TMEM178B: variants seen among roughly 807,000 people sequenced by gnomAD.
The protein encoded by TMEM178B is transmembrane protein 178B.
A neutral mutation model predicts 31.0 loss-of-function variants in TMEM178B; 5 were observed. The observed-to-expected ratio is 0.16, with a 90% CI of 0.08 to 0.34. The LOEUF is 0.34. Ranked by LOEUF, TMEM178B falls within the 10% of genes least tolerant of loss-of-function variation. The probability of loss-of-function intolerance (pLI) is 1.00; values close to 1 mark genes in which losing one functional copy is unlikely to be tolerated. For synonymous variants in TMEM178B, 164 were observed against 164.0 expected (o/e 1.00, Z 0.00); for missense variants, 275 against 400.3 (o/e 0.69, Z 2.67).
At chr7:141,215,861 T>C (rs13307661) in intron 2 of TMEM178B, among the ~76,000 whole-genome samples, 3 of 128,068 alleles carry the variant, frequency 2.3e-5, no homozygotes, top group Admixed American at 1.6e-4. Flanking sequence ...TTCTTTCTCT[T>C]TCTTTCTTTT....
At chr7:141,173,171 TG>T (rs2129182979) in intron 1 of TMEM178B, 1 of 152,342 alleles carries the variant, frequency 6.6e-6, no homozygotes, top group South Asian at 2.1e-4. Context: ...GCAACTGGAA[TG>T]AACATTATAG....
downstream of TMEM178B, among the ~76,000 whole-genome samples, chr7:141,482,935 G>A (rs796224310): frequency 1.3e-5 from 2 of 151,128 alleles, no homozygotes; most frequent in African/African-American, 4.9e-5. Context: ...TGGGGGGGTG[G>A]TGTTAGTCAC....
chr7:141,160,474 A>G (rs1796151484), intron 1 of TMEM178B, among the ~76,000 whole-genome samples: 1 of 152,068 alleles, frequency 6.6e-6, no homozygotes, highest in East Asian at 1.9e-4. Context: ...TCCCTCTGCC[A>G]CATCCCCACC....
At chr7:141,269,569 G>T (rs1798148264) in intron 2 of TMEM178B, among the ~76,000 whole-genome samples, 1 of 152,140 alleles carries the variant, frequency 6.6e-6, no homozygotes, top group African/African-American at 2.4e-5. Context: ...GAGCTATGTT[G>T]AGAAATGAAG....
rs969840756 is a variant in TMEM178B, at chr7:141,125,602, C to T, written c.382+50910C>T. On this transcript the variant is annotated intron_variant, in intron 1 of 3. Transcript: ENST00000565468. ...AGGCTGAGGAGGAGAATTGCCTGAA[C>T]CCAGGAGGTGGGGGTTGCAGTGAGC... Among the ~76,000 whole-genome samples, 16 of 151,254 alleles carry T rather than the reference C, an allele frequency of 1.1e-4. No homozygotes were observed. The South Asian group carries it at 2.9e-3, about 28-fold the overall frequency.
At chr7:141,189,864 C>T (rs1329117860) in intron 1 of TMEM178B, among the ~76,000 whole-genome samples, 2 of 152,112 alleles carry the variant, frequency 1.3e-5, no homozygotes, top group African/African-American at 2.4e-5. Flanking sequence ...CTGCTGGGCC[C>T]TGTGTAGCTG....
intron 2 of TMEM178B, among the ~76,000 whole-genome samples, chr7:141,341,861 G>A (rs1427319371): frequency 6.6e-6 from 1 of 152,086 alleles, no homozygotes; most frequent in Non-Finnish European, 1.5e-5. Context: ...CCTACACTTG[G>A]GGCTCCAGTG....
intron 2 of TMEM178B, among the ~76,000 whole-genome samples, chr7:141,226,004 G>C (rs1797336080): frequency 6.6e-6 from 1 of 152,162 alleles, no homozygotes; most frequent in Non-Finnish European, 1.5e-5. Context: ...TGAGCAATCA[G>C]GTGTGTGTGG....
intron 2 of TMEM178B, among the ~76,000 whole-genome samples, chr7:141,215,615 C>T (rs370688606): frequency 2.0e-5 from 3 of 151,798 alleles, no homozygotes; most frequent in East Asian, 2.0e-4. Context: ...CATGAGCCAC[C>T]GTGCCTGGTC....
intron 1 of TMEM178B, among the ~76,000 whole-genome samples, chr7:141,088,321 C>T (rs1251750304): frequency 6.6e-6 from 1 of 152,070 alleles, no homozygotes. Flanking sequence ...GGTTTCCTCA[C>T]CCATCCCCCT....
Position 141,121,246 on chromosome 7 carries a change from G to A in TMEM178B, c.382+46554G>A, listed in dbSNP as rs191044304. 4.9e-4 allele frequency among the ~76,000 whole-genome samples: 75 copies of A among 152,164 alleles called. No individual in the cohort carries two copies. In the East Asian group the frequency reaches 0.013, roughly 27 times the overall value. ...TTGTACATTGTTTTGTTTTCCTAGA[G>A]GTAATAATCACCTTTAAAATCTTTT... is the stretch of plus-strand genomic sequence containing the variant. On this transcript the variant is annotated intron_variant, in intron 1 of 3. Coordinates refer to ENST00000565468, the MANE Select transcript of TMEM178B (RefSeq NM_001195278.2).
chr7:141,430,051 G>A (rs1242544046), intron 2 of TMEM178B: 1 of 152,256 alleles, frequency 6.6e-6, no homozygotes, highest in Non-Finnish European at 1.5e-5. Context: ...AGCCTCTATA[G>A]CCACAGGTGC....
intron 2 of TMEM178B, among the ~76,000 whole-genome samples, chr7:141,254,267 C>G (rs1276575541): frequency 6.6e-6 from 1 of 152,170 alleles, no homozygotes; most frequent in Admixed American, 6.5e-5. Flanking sequence ...GAGGTAAGCC[C>G]TAACAGGTGA....
intron 1 of TMEM178B, among the ~76,000 whole-genome samples, chr7:141,112,231 A>G (rs543916933): frequency 1.3e-5 from 2 of 152,042 alleles, no homozygotes; most frequent in Non-Finnish European, 2.9e-5. Context: ...CATGAAGTCT[A>G]TTTTTTAATT....
chr7:141,083,063 C>G (rs927266754), intron 1 of TMEM178B, among the ~76,000 whole-genome samples: 1 of 152,066 alleles, frequency 6.6e-6, no homozygotes, highest in Non-Finnish European at 1.5e-5. Context: ...ATGCTAAACA[C>G]ACTTGGGTTA....
chr7:141,097,418 TAACACA>T (rs1794981226), intron 1 of TMEM178B, among the ~76,000 whole-genome samples: 1 of 149,960 alleles, frequency 6.7e-6, no homozygotes, highest in Non-Finnish European at 1.5e-5. Flanking sequence ...ACATCTAGGT[TAACACA>T]ATACATGTTA....
chr7:141,440,233 A>G (rs1039750228), intron 3 of TMEM178B, among the ~76,000 whole-genome samples: 1 of 152,374 alleles, frequency 6.6e-6, no homozygotes, highest in African/African-American at 2.4e-5. Context: ...CCTGGGCTCA[A>G]TTAGGAGTCA....
At chr7:141,097,365 CAAAAAAAA>C (rs10718738) in intron 1 of TMEM178B, among the ~76,000 whole-genome samples, 3 of 85,304 alleles carry the variant, frequency 3.5e-5, no homozygotes, top group Non-Finnish European at 6.6e-5. Flanking sequence ...GACTCCGTCT[CAAAAAAAA>C]AAAAAAAAAA....
intron 1 of TMEM178B, among the ~76,000 whole-genome samples, chr7:141,209,505 G>A (rs529136943): frequency 8.5e-5 from 13 of 152,278 alleles, no homozygotes; most frequent in East Asian, 3.9e-4. Context: ...AGAACACCTC[G>A]TATTATTCAT....
Sources: allele counts gnomAD v4.1 joint callset (sites outside exome capture counted in the v4.1 genomes callset), GRCh38; gene constraint gnomAD v4.1.1; transcripts MANE v1.5; gene names NCBI Gene and HGNC (gene_info 2026-07-23, HGNC 2026-07-21).